HMCN2: variants seen among roughly 807,000 people sequenced by gnomAD.
HMCN2 encodes hemicentin-2.
A neutral mutation model predicts 377.5 loss-of-function variants in HMCN2; 325 were observed. The observed-to-expected ratio is 0.86, with a 90% CI of 0.79 to 0.94. The LOEUF is 0.94. HMCN2 is among the 40% of genes least tolerant of loss of function. The pLI is 0.00. For missense variants in HMCN2, 4,543 were observed against 4,725.3 expected, an observed-to-expected ratio of 0.96 and a Z score of 1.13; for synonymous variants, 2,007 against 2,046.8, an observed-to-expected ratio of 0.98 and a Z score of 0.53.
At chr9:130,380,106 C>A (rs1039335325) in intron 54 of HMCN2, among the ~76,000 whole-genome samples, 1 of 152,178 alleles carries the variant, frequency 6.6e-6, no homozygotes, top group African/African-American at 2.4e-5. Context: ...AAACTCCCGA[C>A]CTCAGGTGAT....
intron 7 of HMCN2, among the ~76,000 whole-genome samples, chr9:130,298,615 T>G (rs1271669265): frequency 6.6e-6 from 1 of 152,170 alleles, no homozygotes; most frequent in Non-Finnish European, 1.5e-5. Flanking sequence ...AAAGAAAACC[T>G]GAACACGGGG....
chr9:130,402,142 C>G (rs2131719014), intron 77 of HMCN2, among the ~76,000 whole-genome samples: 1 of 152,360 alleles, frequency 6.6e-6, no homozygotes, highest in Non-Finnish European at 1.5e-5. Flanking sequence ...CAAAGTCCAA[C>G]AAGTGAAACA....
In HMCN2 at chr9:130,418,891, C is replaced by T; in HGVS notation, c.13081C>T (p.Gln4361Ter). 1 of 1,549,804 alleles carries T rather than the reference C, an allele frequency of 6.5e-7. No homozygotes were observed. The highest frequency in any genetic ancestry group is 8.7e-7 in the Non-Finnish European group (1 of 1,146,496). ...TPTIEWLQAGQPLRASRRLRT... is the reference protein window; with the variant it reads ...TPTIEWLQAG ...CACCATTGAATGGCTACAGGCGGGT[C>T]AACCCTTGCGGGCCAGCCGGCGGCT... Residue 4361 changes from glutamine (Q) to a stop codon, truncating the protein, a stop_gained, in exon 86 of 98, where the codon CAA (glutamine) becomes TAA (stop). Coordinates refer to ENST00000683500, the MANE Select transcript of HMCN2 (RefSeq NM_001291815.2). LOFTEE classifies it high-confidence loss of function.
At chr9:130,293,403 A>T (rs1835924109) in intron 4 of HMCN2, among the ~76,000 whole-genome samples, 1 of 146,338 alleles carries the variant, frequency 6.8e-6, no homozygotes, top group African/African-American at 2.5e-5. Flanking sequence ...TACCGATTTT[A>T]TGGTTGAGCT....
intron 51 of HMCN2, 30 bp from the exon 52 acceptor site, chr9:130,376,486 C>A: frequency 1.0e-6 from 1 of 982,504 alleles, no homozygotes; most frequent in Non-Finnish European, 1.2e-6. Flanking sequence ...CATCCCCCAG[C>A]TCTGCTCTCA....
At chr9:130,349,990 T>C (rs1342644837) in intron 29 of HMCN2, among the ~76,000 whole-genome samples, 2 of 136,100 alleles carry the variant, frequency 1.5e-5, no homozygotes, top group African/African-American at 2.7e-5. Context: ...CTCAAACTCC[T>C]GGGCTTCTTG....
Position 130,267,476 on chromosome 9 carries a change from A to ACGCGCG in HMCN2, c.259+1342_259+1343insGCGCGC, listed in dbSNP as rs1554919634. On this transcript the variant is annotated intron_variant, in intron 1 of 97. Coordinates refer to ENST00000683500, the MANE Select transcript of HMCN2 (RefSeq NM_001291815.2). ...CACACACACACACACACACACACAC[A>ACGCGCG]CGCACAGATTCCTTGCTAAATTGTA... Among the ~76,000 whole-genome samples, 39 of 149,934 alleles carry ACGCGCG rather than the reference A, an allele frequency of 2.6e-4. No homozygotes were observed. The East Asian group carries it at 7.7e-3, about 29-fold the overall frequency.
At position 130,404,883 on chromosome 9, in the gene HMCN2, G is replaced by A. The variant is rs1021675493; in HGVS notation, c.12163G>A (p.Glu4055Lys). Residue 4055 changes from glutamate (E) to lysine (K), a missense_variant, in exon 81 of 98, where the codon GAG becomes AAG. This residue lies in a region of HMCN2 where 1,073 missense variants were observed against 1,319.5 expected (regional missense o/e 0.81). Coordinates refer to ENST00000683500, the MANE Select transcript of HMCN2 (RefSeq NM_001291815.2). Reference protein sequence around the residue: ...RLVVQVPPVIENGLPDLSTTE... With the variant: ...RLVVQVPPVIKNGLPDLSTTE... ...TCTGCCCGCAGTCCCACCAGTGATC[G>A]AGAATGGCCTCCCAGACCTGTCCAC... 7 of 1,262,078 alleles carry A rather than the reference G, an allele frequency of 5.5e-6. No homozygotes were observed. The highest frequency in any genetic ancestry group is 7.2e-6 in the Non-Finnish European group (7 of 973,878). The allele number at this position is 1,262,078 out of a possible 1,614,324, so 78.2% of individuals were successfully genotyped here.
At chr9:130,328,330 G>T (rs1270483851) in intron 22 of HMCN2, among the ~76,000 whole-genome samples, 1 of 152,134 alleles carries the variant, frequency 6.6e-6, no homozygotes, top group Non-Finnish European at 1.5e-5. Context: ...GTGGCGGGGG[G>T]CCGTGGGAGC....
In HMCN2 at chr9:130,353,117, G is replaced by A. The variant is rs1175478089; in HGVS notation, c.4776G>A (p.Arg1592=). 2 of 1,304,084 alleles carry A rather than the reference G, an allele frequency of 1.5e-6. No homozygotes were observed. Among genetic ancestry groups the A allele is most frequent in the South Asian group, 2.5e-5 (2 of 81,032 alleles). The allele number at this position is 1,304,084 out of a possible 1,614,324, so 80.8% of individuals were successfully genotyped here. Residue 1592 remains arginine (R), a synonymous_variant, in exon 31 of 98, where the codon AGG becomes AGA. Transcript: ENST00000683500. ...TRGGRQLQLG[R]AQSSDAGVYT... ...GCGGTCGGCAGTTGCAGCTGGGGAG[G>A]GCCCAGAGCTCCGATGCCGGCGTCT...
intron 3 of HMCN2, 143 bp downstream of exon 3, chr9:130,285,459 T>C (rs1474258215): frequency 1.4e-5 from 5 of 368,056 alleles, no homozygotes; most frequent in Non-Finnish European, 2.2e-5. Context: ...GCCTCTGCCA[T>C]GCATGGCCAG....
intron 73 of HMCN2, 63 bp downstream of exon 73, chr9:130,396,376 C>T: frequency 8.3e-7 from 1 of 1,211,476 alleles, no homozygotes; most frequent in Non-Finnish European, 1.1e-6. Flanking sequence ...GGTTGCAAAT[C>T]AAACTCACTT....
At chr9:130,328,800 G>C (rs1838277933) in intron 22 of HMCN2, among the ~76,000 whole-genome samples, 1 of 152,138 alleles carries the variant, frequency 6.6e-6, no homozygotes, top group African/African-American at 2.4e-5. Flanking sequence ...TATTTAAATA[G>C]CACCCTTTTG....
Position 130,373,048 on chromosome 9 carries a change from T to A in HMCN2, c.7362T>A (p.Ser2454Arg), listed in dbSNP as rs771396313. 1.1e-6 allele frequency: 1 copy of A among 927,406 alleles called. No homozygotes were observed. Among genetic ancestry groups the A allele is most frequent in the Non-Finnish European group, 1.2e-6 (1 of 800,660 alleles). 57.4% of individuals were successfully genotyped at this position (927,406 alleles called of 1,614,324 possible). ...CCCTGCTTCTCCCAGTTCCTCCCAG[T>A]ATTGAGAACGAGGACTTGGAGGAGG... ...NFSVEVLVPP[S>R]IENEDLEEVI... Residue 2454 changes from serine to arginine, a missense_variant, in exon 48 of 98, where the codon AGT (serine) becomes AGA (arginine). Physicochemically the swap from Ser to Arg is moderately radical, Grantham distance 110. This residue lies in a region of HMCN2 where 1,032 missense variants were observed against 1,285.1 expected (regional missense o/e 0.80). Coordinates refer to ENST00000683500, the MANE Select transcript of HMCN2 (RefSeq NM_001291815.2).
intron 7 of HMCN2, among the ~76,000 whole-genome samples, chr9:130,297,042 G>A (rs966754073): frequency 3.3e-5 from 5 of 152,160 alleles, no homozygotes; most frequent in East Asian, 3.8e-4. Context: ...AACATCCTCC[G>A]TGCCTCCACA....
Position 130,353,209 on chromosome 9 carries a change from A to C in HMCN2, c.4864+4A>C. ...GCCACCAGGCTGGATGTTTATGGTG[A>C]GCAGCCAGGGGCCACGGCAGCCGGG... is the stretch of plus-strand genomic sequence containing the variant. On this transcript the variant is annotated splice_donor_region_variant and intron_variant, in intron 31 of 97. Transcript: ENST00000683500. 1 of 1,302,668 alleles carries C rather than the reference A, an allele frequency of 7.7e-7. No homozygotes were observed. The highest frequency in any genetic ancestry group is 5.5e-5 in the East Asian group (1 of 18,026). 80.7% of individuals were successfully genotyped at this position (1,302,668 alleles called of 1,614,324 possible). A position where few individuals can be genotyped will look rare whatever the true frequency, so the allele number is the denominator to read the frequency against.
chr9:130,371,972 G>A (rs904770880), intron 46 of HMCN2, among the ~76,000 whole-genome samples: 2 of 152,194 alleles, frequency 1.3e-5, no homozygotes, highest in African/African-American at 4.8e-5. Flanking sequence ...GCAGAGGTCT[G>A]CTGGGCCAGG....
chr9:130,404,943 G>A lies in HMCN2; in HGVS notation c.12223G>A (p.Ala4075Thr). The A allele has an allele frequency of 7.8e-7, 1 of 1,289,210 alleles. No individual in the cohort carries two copies. Among genetic ancestry groups the A allele is most frequent in the Non-Finnish European group, 1.0e-6 (1 of 988,580 alleles). 79.9% of individuals were successfully genotyped at this position (1,289,210 alleles called of 1,614,324 possible). The change falls in exon 81 of 98, where the codon GCG becomes ACG. Residue 4075 changes from alanine (A) to threonine (T), a missense_variant. Ala to Thr is a moderately conservative substitution (Grantham distance 58, BLOSUM62 0). Coordinates refer to ENST00000683500, the MANE Select transcript of HMCN2 (RefSeq NM_001291815.2). ...CTCCCACGCCTTCTTGCCTTGCAAG[G>A]CGAGGGGCAGTCCTGAGCCCAACAT... is the stretch of plus-strand genomic sequence containing the variant. The part of the protein sequence containing the change: ...EGSHAFLPCK[A>T]RGSPEPNITW...
In HMCN2 at chr9:130,432,580, C is replaced by T. The variant is rs867479019; in HGVS notation, c.14894+25C>T. ...GGTAAGGGCTGAGTTGGCAGGGCCT[C>T]GTGCCCTCAGGAAAAGCACATTTTT... On this transcript the variant is annotated intron_variant, in intron 97 of 97. Transcript: ENST00000683500. 1.7e-5 allele frequency: 27 copies of T among 1,546,688 alleles called. No homozygotes were observed. The East Asian group carries it at 2.2e-4, about 13-fold the overall frequency.
Sources: allele counts gnomAD v4.1 joint callset (sites outside exome capture counted in the v4.1 genomes callset), GRCh38; gene constraint gnomAD v4.1.1; regional missense constraint gnomAD v4.1.1; transcripts MANE v1.5; gene names NCBI Gene and HGNC (gene_info 2026-07-23, HGNC 2026-07-21).